Variants in SDK1 observed in about 807,000 individuals in gnomAD.
The protein encoded by SDK1 is protein sidekick-1.
SDK1 carries 157 observed loss-of-function variants against 245.5 expected under a neutral mutation model. The ratio of observed to expected loss-of-function variants is 0.64; its 90% CI spans 0.56 to 0.73. SDK1 has a LOEUF of 0.73. Among genes scored for constraint, SDK1 ranks in the 30% least tolerant of loss-of-function variants. SDK1 has a pLI of 0.00. For synonymous variants in SDK1, 1,647 were observed against 1,278.5 expected, an observed-to-expected ratio of 1.29 and a Z score of -6.15; for missense variants, 3,583 against 3,002.3, an observed-to-expected ratio of 1.19 and a Z score of -4.52.
Position 4,026,140 on chromosome 7 carries a change from C to T in SDK1, c.2602+8788C>T, listed in dbSNP as rs1787328444. Among the ~76,000 whole-genome samples, 1 of 152,246 alleles carries T rather than the reference C, an allele frequency of 6.6e-6. No individual in the cohort carries two copies. The highest frequency in any genetic ancestry group is 1.5e-5 in the Non-Finnish European group (1 of 68,038). ...CAGTCCCCATGCTGTATGGAAAAGG[C>T]CCCTTGCCCCACGGCTGGAGAGGGG... On this transcript the variant is annotated intron_variant, in intron 17 of 44. Transcript: ENST00000404826. The surrounding 1 kb of genome is among the most constrained non-coding windows in gnomAD (Gnocchi z 4.1).
intron 7 of SDK1, among the ~76,000 whole-genome samples, chr7:3,952,368 C>CAGG (rs1780904898): frequency 6.6e-6 from 1 of 152,160 alleles, no homozygotes; most frequent in Admixed American, 6.5e-5. Context: ...CACTTGAGGC[C>CAGG]AGGAGTTCGA....
In SDK1 at chr7:3,568,876, A is replaced by G. The variant is rs373222584; in HGVS notation, c.299-50204A>G. Among the ~76,000 whole-genome samples the G allele has an allele frequency of 7.9e-5, 12 of 152,340 alleles. No homozygotes were observed. The South Asian group carries it at 1.2e-3, about 16-fold the overall frequency. On this transcript the variant is annotated intron_variant, in intron 1 of 44. Coordinates refer to ENST00000404826, the MANE Select transcript of SDK1 (RefSeq NM_152744.4). ...GAGCATATATTTATTCTACATTGCT[A>G]ATAGACAGAAAATATTTTCCCAAAG... is the stretch of plus-strand genomic sequence containing the variant.
At chr7:3,588,080 C>G (rs951690291) in intron 1 of SDK1, among the ~76,000 whole-genome samples, 5 of 152,142 alleles carry the variant, frequency 3.3e-5, no homozygotes, top group Non-Finnish European at 7.4e-5. Flanking sequence ...CTAGGTCAAT[C>G]TTTGGTGGAT....
intron 22 of SDK1, among the ~76,000 whole-genome samples, chr7:4,092,587 C>G (rs536449381): frequency 7.9e-5 from 12 of 152,320 alleles, no homozygotes; most frequent in Non-Finnish European, 1.5e-4. Flanking sequence ...AGCCTCTCAC[C>G]CGGGAAGCGG....
intron 25 of SDK1, among the ~76,000 whole-genome samples, chr7:4,115,935 C>T (rs1302663929): frequency 6.6e-6 from 1 of 152,162 alleles, no homozygotes; most frequent in African/African-American, 2.4e-5. Flanking sequence ...TGACGGGTAT[C>T]AGAGAAAACC....
At chr7:4,193,390 ATATATAT>A (rs1414624903) in intron 35 of SDK1, among the ~76,000 whole-genome samples, 16 of 139,022 alleles carry the variant, frequency 1.2e-4, no homozygotes, top group African/African-American at 3.5e-4. Context: ...ATATATATAT[ATATATAT>A]AAAGGGGAGT....
At chr7:3,566,811 C>G (rs1779935114) in intron 1 of SDK1, among the ~76,000 whole-genome samples, 1 of 150,894 alleles carries the variant, frequency 6.6e-6, no homozygotes, top group Non-Finnish European at 1.5e-5. Context: ...AAAAGGCTAA[C>G]CAGCATAGGA....
chr7:3,743,121 G>C (rs902098228), intron 4 of SDK1, among the ~76,000 whole-genome samples: 1 of 152,202 alleles, frequency 6.6e-6, no homozygotes, highest in Non-Finnish European at 1.5e-5. Flanking sequence ...GGCCTTGGGT[G>C]CCTTGAATGG....
At chr7:3,402,032 A>C (rs957706202) in intron 1 of SDK1, among the ~76,000 whole-genome samples, 6 of 152,192 alleles carry the variant, frequency 3.9e-5, no homozygotes, top group African/African-American at 1.4e-4. Context: ...GATATAAAAG[A>C]AGCACAAAAC....
At chr7:3,797,915 A>G (rs1442236679) in intron 4 of SDK1, among the ~76,000 whole-genome samples, 1 of 152,140 alleles carries the variant, frequency 6.6e-6, no homozygotes, top group Non-Finnish European at 1.5e-5. Context: ...AGATCATTCA[A>G]ATCACTTTTT....
intron 41 of SDK1, among the ~76,000 whole-genome samples, chr7:4,236,562 G>A (rs1024523163): frequency 1.3e-5 from 2 of 152,086 alleles, no homozygotes; most frequent in Admixed American, 6.5e-5. Context: ...CACACAGTGC[G>A]TGTTTGCGGC....
At chr7:4,200,484 C>G (rs1783825535) in intron 35 of SDK1, among the ~76,000 whole-genome samples, 1 of 152,270 alleles carries the variant, frequency 6.6e-6, no homozygotes, top group South Asian at 2.1e-4. Flanking sequence ...GCCTCAGGGT[C>G]TCTGGGACAG....
chr7:3,589,346 A>C (rs924174907), intron 1 of SDK1, among the ~76,000 whole-genome samples: 5 of 152,106 alleles, frequency 3.3e-5, no homozygotes, highest in African/African-American at 1.2e-4. Flanking sequence ...GGGCCTTTTG[A>C]CATCAGTACT....
intron 14 of SDK1, among the ~76,000 whole-genome samples, chr7:3,998,087 G>A (rs1057322646): frequency 2.0e-5 from 3 of 152,146 alleles, no homozygotes; most frequent in East Asian, 1.9e-4. Context: ...AAGAGCACAA[G>A]GAGGCTAGGA....
chr7:3,320,230 T>G (rs912915280), intron 1 of SDK1, among the ~76,000 whole-genome samples: 1 of 152,060 alleles, frequency 6.6e-6, no homozygotes, highest in African/African-American at 2.4e-5. Context: ...GACCTGAGTC[T>G]CATTTCCAGA....
At chr7:3,516,409 T>C (rs1017623490) in intron 1 of SDK1, among the ~76,000 whole-genome samples, 1 of 152,096 alleles carries the variant, frequency 6.6e-6, no homozygotes, top group Non-Finnish European at 1.5e-5. Flanking sequence ...ACAACTAACT[T>C]TTATAATTTG....
chr7:3,361,684 T>C (rs1780957689), intron 1 of SDK1, among the ~76,000 whole-genome samples: 1 of 152,198 alleles, frequency 6.6e-6, no homozygotes, highest in African/African-American at 2.4e-5. Context: ...TCTTTAGAAC[T>C]ATTGGCTTAG....
chr7:3,414,145 T>C (rs1779293837), intron 1 of SDK1, among the ~76,000 whole-genome samples: 1 of 152,082 alleles, frequency 6.6e-6, no homozygotes. Context: ...GTATGCCTTA[T>C]GGGTGATAGG....
At chr7:3,342,033 A>G (rs77498408) in intron 1 of SDK1, among the ~76,000 whole-genome samples, 3,463 of 152,318 alleles carry the variant, frequency 0.023, 147 homozygotes, top group African/African-American at 0.078. Context: ...GCTTTCCCTT[A>G]TAGTGATAGT....
Sources: gnomAD v4.1 joint callset for allele counts (sites outside exome capture counted in the v4.1 genomes callset) on GRCh38, gnomAD v4.1.1 for gene constraint, Gnocchi (gnomAD v3.1) non-coding constraint, MANE v1.5 for transcripts, NCBI Gene and HGNC (gene_info 2026-07-23, HGNC 2026-07-21) for gene names.